APBB2: variants seen among roughly 807,000 people sequenced by gnomAD.
The protein encoded by APBB2 is amyloid beta precursor protein binding family B member 2.
Under a neutral mutation model 82.5 loss-of-function variants are expected in APBB2, and 38 were observed. The observed-to-expected ratio is 0.46, with a 90% CI of 0.36 to 0.60. The LOEUF (loss-of-function observed/expected upper bound fraction) is 0.60, where lower values mean the gene tolerates loss of function less well. Ranked by LOEUF, APBB2 falls within the 20% of genes least tolerant of loss-of-function variation. The pLI is 0.00. For synonymous variants in APBB2, 341 were observed against 368.2 expected (o/e 0.93, Z 0.85); for missense variants, 772 against 972.3 (o/e 0.79, Z 2.74).
chr4:40,955,766 A>G (rs1021148834), intron 6 of APBB2, among the ~76,000 whole-genome samples: 1 of 150,188 alleles, frequency 6.7e-6, no homozygotes, highest in Non-Finnish European at 1.5e-5. Context: ...ACCAAAACAT[A>G]TTTTTCTTTT....
At chr4:41,144,982 T>A (rs1483913358) in intron 1 of APBB2, among the ~76,000 whole-genome samples, 1 of 152,146 alleles carries the variant, frequency 6.6e-6, no homozygotes, top group African/African-American at 2.4e-5. Context: ...TAGCCGGGCA[T>A]GTTGGGACAT....
intron 12 of APBB2, chr4:40,881,112 A>G: frequency 1.0e-6 from 1 of 985,462 alleles, no homozygotes; most frequent in Non-Finnish European, 1.2e-6. Context: ...GAGATAAAAT[A>G]GAACCACAGT....
intron 4 of APBB2, among the ~76,000 whole-genome samples, chr4:41,050,810 T>A (rs1323964797): frequency 6.6e-6 from 1 of 152,124 alleles, no homozygotes; most frequent in Non-Finnish European, 1.5e-5. Flanking sequence ...CACGTCAGGA[T>A]TTTTTTCCAC....
chr4:41,037,041 C>T (rs1719467402), intron 4 of APBB2, among the ~76,000 whole-genome samples: 1 of 152,156 alleles, frequency 6.6e-6, no homozygotes, highest in Non-Finnish European at 1.5e-5. Flanking sequence ...CTATTGAATA[C>T]TTAAAAGGTA....
chr4:40,954,789 A>G (rs533632651), intron 6 of APBB2, among the ~76,000 whole-genome samples: 24 of 152,214 alleles, frequency 1.6e-4, no homozygotes, highest in Non-Finnish European at 3.1e-4. Context: ...TCAGCCTCCC[A>G]AGTAGCTGGG....
intron 2 of APBB2, among the ~76,000 whole-genome samples, chr4:41,113,789 GGTTAAAAT>G (rs1162585660): frequency 6.6e-6 from 1 of 151,968 alleles, no homozygotes; most frequent in Non-Finnish European, 1.5e-5. Context: ...AAGTATTGAG[GGTTAAAAT>G]GTCATGACAG....
intron 10 of APBB2, among the ~76,000 whole-genome samples, chr4:40,919,817 T>C (rs56314731): frequency 0.13 from 19,066 of 152,252 alleles, 1,341 homozygotes; most frequent in Admixed American, 0.21. Flanking sequence ...GCAGCAACAC[T>C]GTGAGGTTCC....
At chr4:41,198,969 G>C (rs1484616521) in intron 1 of APBB2, among the ~76,000 whole-genome samples, 1 of 152,162 alleles carries the variant, frequency 6.6e-6, no homozygotes, top group Non-Finnish European at 1.5e-5. Flanking sequence ...AAAGCTTAAA[G>C]CAAGCCAGGA....
At chr4:41,094,054 A>G (rs1198452015) in intron 3 of APBB2, among the ~76,000 whole-genome samples, 2 of 152,172 alleles carry the variant, frequency 1.3e-5, no homozygotes, top group Non-Finnish European at 2.9e-5. Flanking sequence ...TAGGATTGAC[A>G]CAATGTATAC....
intron 1 of APBB2, among the ~76,000 whole-genome samples, chr4:41,170,228 T>C (rs2154052749): frequency 6.6e-6 from 1 of 152,350 alleles, no homozygotes; most frequent in African/African-American, 2.4e-5. Context: ...TTTCTTTTTA[T>C]GATGATTTTT....
At chr4:41,009,173 T>A (rs1180943549) in intron 6 of APBB2, among the ~76,000 whole-genome samples, 1 of 151,454 alleles carries the variant, frequency 6.6e-6, no homozygotes, top group Non-Finnish European at 1.5e-5. Flanking sequence ...AACAGGTATT[T>A]ATTTATCTGA....
At chr4:41,161,170 CAAAAAAAAAAA>C (rs33917178) in intron 1 of APBB2, among the ~76,000 whole-genome samples, 9 of 86,278 alleles carry the variant, frequency 1.0e-4, no homozygotes, top group Admixed American at 8.7e-4. Context: ...TCTTCCCTGG[CAAAAAAAAAAA>C]AAAAAAAAAA....
At chr4:40,900,804 A>G (rs1420575506) in intron 10 of APBB2, among the ~76,000 whole-genome samples, 2 of 150,414 alleles carry the variant, frequency 1.3e-5, no homozygotes, top group Non-Finnish European at 3.0e-5. Flanking sequence ...ACAGTTTCTT[A>G]AAAACATGAA....
At chr4:41,129,598 T>C (rs1446301110) in intron 2 of APBB2, among the ~76,000 whole-genome samples, 1 of 152,204 alleles carries the variant, frequency 6.6e-6, no homozygotes, top group Admixed American at 6.5e-5. Flanking sequence ...GGGGCAGGGC[T>C]TGTGTCTTTG....
At chr4:40,911,408 C>T (rs993905276) in intron 10 of APBB2, among the ~76,000 whole-genome samples, 22 of 152,142 alleles carry the variant, frequency 1.4e-4, no homozygotes, top group African/African-American at 5.1e-4. Flanking sequence ...GGTAAGCATA[C>T]AATGTGTCAA....
At chr4:40,970,746 C>T (rs1162044825) in intron 6 of APBB2, among the ~76,000 whole-genome samples, 2 of 152,072 alleles carry the variant, frequency 1.3e-5, no homozygotes, top group Admixed American at 6.5e-5. Context: ...GAGCAGGTCA[C>T]GTTAGTTAAG....
At position 40,826,177 on chromosome 4, in the gene APBB2, T is replaced by C. The variant is rs915425951; in HGVS notation, c.1733-207A>G. Reference sequence around the variant, plus strand: ...TTAAAATCCTGTTCAACTTTCAAGATAGGAATGCATGTGAAAGCAGGAAGT... The same window carrying C: ...TTAAAATCCTGTTCAACTTTCAAGACAGGAATGCATGTGAAAGCAGGAAGT... On this transcript the variant is annotated intron_variant, in intron 14 of 17. Coordinates refer to ENST00000508593, the MANE Select transcript of APBB2 (RefSeq NM_004307.2). This position sits in a 1 kb window ranked among gnomAD's most constrained non-coding sequence, Gnocchi z 4.5. 9.0e-6 allele frequency: 5 copies of C among 554,254 alleles called. No individual in the cohort carries two copies. Among genetic ancestry groups the C allele is most frequent in the African/African-American group, 5.7e-5 (3 of 52,780 alleles). The allele number at this position is 554,254 out of a possible 1,614,324, so 34.3% of individuals were successfully genotyped here. A position where few individuals can be genotyped will look rare whatever the true frequency, so the allele number is the denominator to read the frequency against.
intron 5 of APBB2, among the ~76,000 whole-genome samples, chr4:41,032,910 G>A (rs937109765): frequency 7.1e-5 from 10 of 141,648 alleles, no homozygotes; most frequent in Admixed American, 3.8e-4. Context: ...TCAGCCTCCC[G>A]TGTAGCTGGG....
At chr4:40,881,364 A>C in intron 12 of APBB2, 1 of 985,026 alleles carries the variant, frequency 1.0e-6, no homozygotes, top group Non-Finnish European at 1.2e-6. Context: ...CCCCTACTAG[A>C]TGTCATCAGG....
Sources: allele counts gnomAD v4.1 joint callset (sites outside exome capture counted in the v4.1 genomes callset), GRCh38; gene constraint gnomAD v4.1.1; non-coding constraint Gnocchi (gnomAD v3.1); transcripts MANE v1.5; gene names NCBI Gene and HGNC (gene_info 2026-07-23, HGNC 2026-07-21).